BACH2: variants seen among roughly 807,000 people sequenced by gnomAD.
BACH2 encodes the protein BACH transcriptional regulator 2.
Under a neutral mutation model 61.8 loss-of-function variants are expected in BACH2, and 5 were observed. That is an observed-to-expected ratio of 0.08 (90% CI 0.04 to 0.17). The LOEUF is 0.17. Among genes scored for constraint, BACH2 ranks in the 10% least tolerant of loss-of-function variants. The pLI is 1.00. For missense variants in BACH2, 824 were observed against 1,091.1 expected (o/e 0.76, Z 3.45); for synonymous variants, 446 against 440.1 (o/e 1.01, Z -0.17).
At chr6:90,210,747 G>A (rs2127851288) in intron 3 of BACH2, among the ~76,000 whole-genome samples, 1 of 152,300 alleles carries the variant, frequency 6.6e-6, no homozygotes, top group East Asian at 1.9e-4. Flanking sequence ...GGTGCCTTGA[G>A]AAAGTTAATC....
At chr6:90,270,320 T>C (rs899964057) in intron 2 of BACH2, among the ~76,000 whole-genome samples, 1 of 152,132 alleles carries the variant, frequency 6.6e-6, no homozygotes, top group Non-Finnish European at 1.5e-5. Flanking sequence ...TCCAGAGTGG[T>C]TGTACTACCT....
intron 5 of BACH2, among the ~76,000 whole-genome samples, chr6:90,086,666 A>G (rs1199423311): frequency 6.6e-6 from 1 of 152,164 alleles, no homozygotes; most frequent in African/African-American, 2.4e-5. Context: ...AGGAGTCATG[A>G]CAACTTCTTT....
chr6:90,197,160 G>A (rs1056879465), intron 4 of BACH2, among the ~76,000 whole-genome samples: 4 of 152,068 alleles, frequency 2.6e-5, no homozygotes, highest in African/African-American at 7.2e-5. Flanking sequence ...CTTATTTTAC[G>A]AAGACAAAGG....
intron 6 of BACH2, among the ~76,000 whole-genome samples, chr6:90,002,386 T>C (rs1264980659): frequency 1.3e-5 from 2 of 152,212 alleles, no homozygotes; most frequent in Non-Finnish European, 2.9e-5. Context: ...ATCTCTAGGA[T>C]AGACTTCTCC....
In BACH2 at chr6:89,926,846, TA is replaced by T. The variant is rs1772384712; in HGVS notation, c.*5561del. On this transcript the variant is annotated 3_prime_UTR_variant, in exon 9 of 9. Coordinates refer to ENST00000257749, the MANE Select transcript of BACH2 (RefSeq NM_021813.4). ...AGTACAATAAAATGATGCATTGAAT[TA>T]AATTACATTAATCGCATAGAATCTG... The T allele has an allele frequency of 1.3e-5, 2 of 152,932 alleles. No homozygotes were observed. Among genetic ancestry groups the T allele is most frequent in the South Asian group, 2.1e-4 (1 of 4,824 alleles). 9.5% of individuals were successfully genotyped at this position (152,932 alleles called of 1,614,324 possible).
chr6:90,005,726 T>C (rs1351701661), intron 6 of BACH2, among the ~76,000 whole-genome samples: 1 of 152,244 alleles, frequency 6.6e-6, no homozygotes, highest in African/African-American at 2.4e-5. Flanking sequence ...GGGGCTGGCT[T>C]GCATGTTCCA....
chr6:90,095,429 C>T (rs1027294586), intron 4 of BACH2, among the ~76,000 whole-genome samples: 6 of 152,066 alleles, frequency 3.9e-5, no homozygotes, highest in Admixed American at 6.6e-5. Flanking sequence ...GACAGGATGG[C>T]GAACATTAAT....
At position 90,113,604 on chromosome 6, in the gene BACH2, T is replaced by C. The variant is rs1321384628; in HGVS notation, c.-161-24495A>G. Reference sequence around the variant, plus strand: ...GCTAAGGCAGTGTTAAGAGGGAAATTCATAGCACTAAATGTTCACATCAAA... The same window carrying C: ...GCTAAGGCAGTGTTAAGAGGGAAATCCATAGCACTAAATGTTCACATCAAA... On this transcript the variant is annotated intron_variant, in intron 4 of 8. Transcript: ENST00000257749. Among the ~76,000 whole-genome samples, 4 of 152,040 alleles carry C rather than the reference T, an allele frequency of 2.6e-5. No homozygotes were observed. The East Asian group carries it at 7.7e-4, about 29-fold the overall frequency.
intron 5 of BACH2, among the ~76,000 whole-genome samples, chr6:90,042,000 G>A (rs1375908498): frequency 6.6e-6 from 1 of 151,766 alleles, no homozygotes; most frequent in Non-Finnish European, 1.5e-5. Context: ...TTTAGGCCAC[G>A]GCTTCTCTTC....
At chr6:89,945,076 A>G (rs1773648588) in intron 7 of BACH2, among the ~76,000 whole-genome samples, 1 of 152,240 alleles carries the variant, frequency 6.6e-6, no homozygotes, top group African/African-American at 2.4e-5. Flanking sequence ...GCTGGTGGGA[A>G]TTTGAAATGG....
intron 6 of BACH2, among the ~76,000 whole-genome samples, chr6:89,987,286 A>G (rs1776295466): frequency 6.6e-6 from 1 of 152,172 alleles, no homozygotes; most frequent in Admixed American, 6.5e-5. Context: ...CAGGAAACTT[A>G]CCCTGATGAT....
intron 6 of BACH2, among the ~76,000 whole-genome samples, chr6:89,968,744 T>C (rs924310955): frequency 6.6e-6 from 1 of 152,172 alleles, no homozygotes; most frequent in Non-Finnish European, 1.5e-5. Context: ...GGCACAGTGG[T>C]TCACGCCTAT....
intron 4 of BACH2, among the ~76,000 whole-genome samples, chr6:90,102,864 G>T (rs1782718974): frequency 6.9e-6 from 1 of 145,064 alleles, no homozygotes; most frequent in South Asian, 2.1e-4. Context: ...CTTCCATTCA[G>T]TTAGGACTTC....
chr6:90,216,766 G>A (rs192685105), intron 3 of BACH2, among the ~76,000 whole-genome samples: 82 of 152,280 alleles, frequency 5.4e-4, no homozygotes, highest in African/African-American at 1.9e-3. Context: ...GAGTGGTTTT[G>A]TCTCCCAGGG....
chr6:90,060,683 T>G (rs1251684337), intron 5 of BACH2, among the ~76,000 whole-genome samples: 3 of 152,190 alleles, frequency 2.0e-5, no homozygotes, highest in Non-Finnish European at 4.4e-5. Flanking sequence ...CACGGTGGTT[T>G]GTTTCCTTGT....
At chr6:90,092,315 T>TATATATATACACAC (rs142761642) in intron 4 of BACH2, among the ~76,000 whole-genome samples, 3 of 112,454 alleles carry the variant, frequency 2.7e-5, no homozygotes, top group East Asian at 1.4e-3. Context: ...TATATATATA[T>TATATATATACACAC]ACACACACAC....
chr6:90,217,389 A>G (rs1405812294), intron 3 of BACH2, among the ~76,000 whole-genome samples: 1 of 152,212 alleles, frequency 6.6e-6, no homozygotes, highest in African/African-American at 2.4e-5. Flanking sequence ...AATATGAGGA[A>G]CAATGTTGAT....
intron 6 of BACH2, among the ~76,000 whole-genome samples, chr6:89,975,984 C>T (rs1341765328): frequency 1.3e-5 from 2 of 152,190 alleles, no homozygotes; most frequent in Non-Finnish European, 1.5e-5. Flanking sequence ...CATATAAATG[C>T]TCACATTCTC....
rs1777557269 is a variant in BACH2 at position 90,008,946 on chromosome 6, C to T, written c.-12-90G>A. ...AGAGAGAGGAGGTGAGAAAGAACAT[C>T]ATGGTTCCTGTGTCCCACTGCCATG... On this transcript the variant is annotated intron_variant, in intron 5 of 8. Transcript: ENST00000257749. The surrounding 1 kb of genome is among the most constrained non-coding windows in gnomAD (Gnocchi z 4.1). 1 of 1,474,836 alleles carries T rather than the reference C, an allele frequency of 6.8e-7. No homozygotes were observed. Among genetic ancestry groups the T allele is most frequent in the African/African-American group, 1.4e-5 (1 of 71,584 alleles). 91.4% of individuals were successfully genotyped at this position (1,474,836 alleles called of 1,614,324 possible). A position where few individuals can be genotyped will look rare whatever the true frequency, so the allele number is the denominator to read the frequency against.
Sources: allele counts gnomAD v4.1 joint callset (sites outside exome capture counted in the v4.1 genomes callset), GRCh38; gene constraint gnomAD v4.1.1; non-coding constraint Gnocchi (gnomAD v3.1); transcripts MANE v1.5; gene names NCBI Gene and HGNC (gene_info 2026-07-23, HGNC 2026-07-21).